The following ACSBG1 variants were observed in gnomAD, a reference collection of about 807,000 sequenced individuals.
ACSBG1 encodes acyl-CoA synthetase bubblegum family member 1.
A neutral mutation model predicts 80.2 loss-of-function variants in ACSBG1; 39 were observed. The ratio of observed to expected loss-of-function variants is 0.49; its 90% confidence interval spans 0.38 to 0.64. ACSBG1 has a LOEUF of 0.64. Ranked by LOEUF, ACSBG1 falls within the 30% of genes least tolerant of loss-of-function variation. The pLI is 0.00. For missense variants in ACSBG1, 828 were observed against 966.4 expected (o/e 0.86, Z 1.90); for synonymous variants, 392 against 379.5 (o/e 1.03, Z -0.38).
chr15:78,229,959 TC>T (rs1303551520), intron 1 of ACSBG1, among the ~76,000 whole-genome samples: 1 of 152,168 alleles, frequency 6.6e-6, no homozygotes, highest in East Asian at 1.9e-4. Flanking sequence ...ATGCCTTTGG[TC>T]AGCACAGCGC....
At chr15:78,232,925 C>A (rs751734425) in intron 1 of ACSBG1, among the ~76,000 whole-genome samples, 4 of 152,170 alleles carry the variant, frequency 2.6e-5, no homozygotes, top group Non-Finnish European at 4.4e-5. Flanking sequence ...GGGTGATCCA[C>A]CCGACTCAGC....
chr15:78,214,585 G>T (rs1158333497), intron 1 of ACSBG1, among the ~76,000 whole-genome samples: 1 of 152,084 alleles, frequency 6.6e-6, no homozygotes, highest in Non-Finnish European at 1.5e-5. Flanking sequence ...GATTATAGGT[G>T]TGCACCACCG....
At chr15:78,215,746 GA>G (rs1429374601) in intron 1 of ACSBG1, among the ~76,000 whole-genome samples, 8,449 of 145,260 alleles carry the variant, frequency 0.058, 371 homozygotes, top group Non-Finnish European at 0.089. Flanking sequence ...AAGAAAGAAA[GA>G]AAGAAAGAAA....
chr15:78,195,478 G>A (rs2075105004), intron 2 of ACSBG1, among the ~76,000 whole-genome samples: 1 of 152,054 alleles, frequency 6.6e-6, no homozygotes, highest in Non-Finnish European at 1.5e-5. Flanking sequence ...AAGAGTCAGA[G>A]GCTTACTCTG....
Position 78,181,883 on chromosome 15 carries a change from A to G in ACSBG1, c.1071+86T>C. 8 of 1,504,818 alleles carry G rather than the reference A, an allele frequency of 5.3e-6. No homozygotes were observed. The Middle Eastern group carries it at 5.3e-4, about 100-fold the overall frequency. The allele number at this position is 1,504,818 out of a possible 1,614,324, so 93.2% of individuals were successfully genotyped here. A position where few individuals can be genotyped will look rare whatever the true frequency, so the allele number is the denominator to read the frequency against. ...TGATACATGCACAGGAACAGCACAC[A>G]CACAAATGCACTCAGGGCCCACAGA... On this transcript the variant is annotated intron_variant, in intron 8 of 13. Transcript: ENST00000258873.
intron 2 of ACSBG1, among the ~76,000 whole-genome samples, chr15:78,206,953 C>A (rs1255477996): frequency 1.3e-5 from 2 of 152,204 alleles, no homozygotes; most frequent in Non-Finnish European, 2.9e-5. Flanking sequence ...CTGAGCTCCA[C>A]GGTTTTGCTG....
chr15:78,207,492 G>A (rs753359613), intron 2 of ACSBG1, among the ~76,000 whole-genome samples: 2 of 152,092 alleles, frequency 1.3e-5, no homozygotes, highest in Non-Finnish European at 2.9e-5. Flanking sequence ...CAGAGTCAGA[G>A]TAAATAACTC....
chr15:78,178,658 C>T lies in ACSBG1; in HGVS notation c.1658G>A (p.Arg553His), dbSNP rs754413183. 18 of 1,613,842 alleles carry T rather than the reference C, an allele frequency of 1.1e-5. No homozygotes were observed. The highest frequency in any genetic ancestry group is 2.2e-5 in the South Asian group (2 of 91,042). Residue 553 changes from arginine to histidine, a missense_variant, in exon 11 of 14, where the codon CGC (arginine) becomes CAC (histidine). This residue lies in a region of ACSBG1 where 201 missense variants were observed against 227.0 expected (regional missense o/e 0.89). Coordinates refer to ENST00000258873, the MANE Select transcript of ACSBG1 (RefSeq NM_015162.5). This position sits in a 1 kb window ranked among gnomAD's most constrained non-coding sequence, Gnocchi z 4.3. ...EGWLHTGDAG[R>H]LDADGFLYIT... The stretch of plus-strand genomic sequence containing the variant: ...GTAGAGGAAGCCATCGGCGTCCAGG[C>T]GGCCAGCATCACCCGTGTGCAGCCA...
rs143858337 is a variant in ACSBG1, at chr15:78,174,371, C to A, written c.1842+14G>T. 10 of 1,614,054 alleles carry A rather than the reference C, an allele frequency of 6.2e-6. No individual in the cohort carries two copies. In the East Asian group the frequency reaches 2.0e-4, roughly 32 times the overall value. On this transcript the variant is annotated intron_variant, in intron 12 of 13. Coordinates refer to ENST00000258873, the MANE Select transcript of ACSBG1 (RefSeq NM_015162.5). ...ACTGGCTGCTCCTTCTGAGCTGGAG[C>A]CCCCCAGACACACCTTCAAGGTGAG...
At chr15:78,213,851 C>G (rs2075287038) in intron 1 of ACSBG1, 2 of 152,288 alleles carry the variant, frequency 1.3e-5, no homozygotes, top group South Asian at 4.1e-4. Context: ...TTGGCTTCTC[C>G]CATTCTCTCC....
chr15:78,167,510 CATAACATA>C lies in ACSBG1; in HGVS notation c.*3926_*3933del, dbSNP rs2074758932. ...TTTAACAAAAATTGTGAAAAATATG[CATAACATA>C]AAATTTGCCATTTTAGCCGTATTTA... On this transcript the variant is annotated 3_prime_UTR_variant, in exon 14 of 14. Coordinates refer to ENST00000258873, the MANE Select transcript of ACSBG1 (RefSeq NM_015162.5). The C allele has an allele frequency of 1.3e-5, 2 of 152,196 alleles. No individual in the cohort carries two copies. The highest frequency in any genetic ancestry group is 4.8e-5 in the African/African-American group (2 of 41,454). The allele number at this position is 152,196 out of a possible 1,614,324, so 9.4% of individuals were successfully genotyped here.
rs746712543 is a variant in ACSBG1, at chr15:78,197,719, TAAAAAAAA to T, written c.233-3001_233-2994del. ...GGGCGATAGAGCAAGACTCTGTCTT[TAAAAAAAA>T]AAAAAAAAAAAAAAAATAGAATGTT... On this transcript the variant is annotated intron_variant, in intron 2 of 13. Transcript: ENST00000258873. 9.3e-4 allele frequency among the ~76,000 whole-genome samples: 96 copies of T among 103,368 alleles called. 2 individuals carry two copies. The highest frequency in any genetic ancestry group is 8.1e-4 in the Non-Finnish European group (43 of 53,014). 67.8% of individuals were successfully genotyped at this position (103,368 alleles called of 152,430 possible). A position where few individuals can be genotyped will look rare whatever the true frequency, so the allele number is the denominator to read the frequency against.
chr15:78,200,699 T>G (rs560300708), intron 2 of ACSBG1, among the ~76,000 whole-genome samples: 1 of 152,256 alleles, frequency 6.6e-6, no homozygotes, highest in East Asian at 1.9e-4. Flanking sequence ...GAAAGGACTA[T>G]CATGCCTCCC....
chr15:78,215,774 GAA>G (rs1328907562), intron 1 of ACSBG1, among the ~76,000 whole-genome samples: 3 of 146,502 alleles, frequency 2.0e-5, no homozygotes, highest in Admixed American at 6.7e-5. Flanking sequence ...AAGAAAGAAA[GAA>G]AGAAAGAAAG....
chr15:78,181,814 C>T, intron 8 of ACSBG1, among the ~76,000 whole-genome samples, 155 bp downstream of exon 8: 1 of 152,134 alleles, frequency 6.6e-6, no homozygotes, highest in East Asian at 1.9e-4. Context: ...CTTGTTTGGT[C>T]ATTCGAGTCA....
rs2074801465 is a variant in ACSBG1, at chr15:78,170,118, T to G, written c.*1326A>C. ...CACAAAATTATGCCATGCTGGGGCT[T>G]GAGCTTGAGCTTGGGCTTAGGCTTG... On this transcript the variant is annotated 3_prime_UTR_variant, in exon 14 of 14. Coordinates refer to ENST00000258873, the MANE Select transcript of ACSBG1 (RefSeq NM_015162.5). The G allele has an allele frequency of 1.3e-5, 2 of 152,246 alleles. No homozygotes were observed. The highest frequency in any genetic ancestry group is 2.1e-4 in the South Asian group (1 of 4,830). 9.4% of individuals were successfully genotyped at this position (152,246 alleles called of 1,614,324 possible).
At chr15:78,220,403 A>G (rs2075351032) in intron 1 of ACSBG1, among the ~76,000 whole-genome samples, 1 of 152,240 alleles carries the variant, frequency 6.6e-6, no homozygotes, top group Non-Finnish European at 1.5e-5. Context: ...AATCTTTGTG[A>G]CCTTGTGTTA....
At chr15:78,213,108 C>G (rs1347647323) in intron 1 of ACSBG1, among the ~76,000 whole-genome samples, 1 of 152,166 alleles carries the variant, frequency 6.6e-6, no homozygotes, top group Non-Finnish European at 1.5e-5. Flanking sequence ...TGTTGCCTAA[C>G]TAGTTCCCCA....
chr15:78,209,407 G>A (rs1233733244), intron 1 of ACSBG1, among the ~76,000 whole-genome samples: 4 of 152,270 alleles, frequency 2.6e-5, no homozygotes, highest in East Asian at 3.9e-4. Context: ...TTGCTATGGC[G>A]ACCCACTCCA....
Sources: gnomAD v4.1 joint callset for allele counts (sites outside exome capture counted in the v4.1 genomes callset) on GRCh38, gnomAD v4.1.1 for gene constraint, gnomAD v4.1.1 regional missense constraint, Gnocchi (gnomAD v3.1) non-coding constraint, MANE v1.5 for transcripts, NCBI Gene and HGNC (gene_info 2026-07-23, HGNC 2026-07-21) for gene names.